SDC2: variants seen among roughly 807,000 people sequenced by gnomAD.
SDC2 encodes syndecan 2.
A neutral mutation model predicts 22.2 loss-of-function variants in SDC2; 13 were observed. The observed-to-expected ratio is 0.59, with a 90% CI of 0.38 to 0.93. The LOEUF is 0.93. Ranked by LOEUF, SDC2 falls within the 40% of genes least tolerant of loss-of-function variation. SDC2 has a pLI of 0.00. For synonymous variants in SDC2, 94 were observed against 92.8 expected (o/e 1.01, Z -0.07); for missense variants, 235 against 246.8 (o/e 0.95, Z 0.32).
At chr8:96,514,108 T>G (rs1382971452) in intron 1 of SDC2, among the ~76,000 whole-genome samples, 1 of 152,240 alleles carries the variant, frequency 6.6e-6, no homozygotes, top group East Asian at 1.9e-4. Context: ...CAACTTGCTG[T>G]TAAACTGATG....
rs1814822114 is a variant in SDC2 at position 96,593,577 on chromosome 8, C to G, written c.158C>G (p.Ser53Cys). The G allele has an allele frequency of 6.2e-7, 1 of 1,610,940 alleles. No homozygotes were observed. Among genetic ancestry groups the G allele is most frequent in the Admixed American group, 1.7e-5 (1 of 60,006 alleles). ...VYPIDDDDYA[S>C]ASGSGADEDV... ...CCTATTGATGACGATGACTACGCTT[C>G]TGCGTCTGGCTCGGGTAAGGTGGCT... Residue 53 changes from serine (S) to cysteine (C), a missense_variant, in exon 2 of 5, where the codon TCT (serine) becomes TGT (cysteine). Ser to Cys is a moderately radical substitution (Grantham distance 112). Transcript: ENST00000302190.
At chr8:96,571,390 T>TCCC (rs1814392721) in intron 1 of SDC2, among the ~76,000 whole-genome samples, 2 of 152,076 alleles carry the variant, frequency 1.3e-5, no homozygotes, top group Admixed American at 1.3e-4. Context: ...AAGGGGCAGG[T>TCCC]CCCCGATCAC....
intron 1 of SDC2, among the ~76,000 whole-genome samples, chr8:96,540,555 T>G (rs1314897867): frequency 6.7e-6 from 1 of 149,486 alleles, no homozygotes; most frequent in African/African-American, 2.4e-5. Context: ...GGCCTGCCTC[T>G]GCTCACCCGC....
At chr8:96,500,503 A>T (rs1322775516) in intron 1 of SDC2, among the ~76,000 whole-genome samples, 1 of 151,966 alleles carries the variant, frequency 6.6e-6, no homozygotes, top group African/African-American at 2.4e-5. Context: ...CTCTACTAAA[A>T]ATATAAAAAT....
At chr8:96,580,427 A>C (rs1814571285) in intron 1 of SDC2, 2 of 985,286 alleles carry the variant, frequency 2.0e-6, no homozygotes, top group African/African-American at 1.7e-5. Flanking sequence ...CCAAGCCTCC[A>C]TATCCTCAGC....
rs192517338 is a variant in SDC2 at position 96,532,756 on chromosome 8, C to T, written c.60+38425C>T. Among the ~76,000 whole-genome samples the T allele has an allele frequency of 5.3e-5, 8 of 152,218 alleles. No homozygotes were observed. The East Asian group carries it at 1.6e-3, about 29-fold the overall frequency. Reference sequence around the variant, plus strand: ...GCCCGCACTTAATGGCTGAGTACATCCGGGCTATGCATTCACCTTCTCTGA... The same window carrying T: ...GCCCGCACTTAATGGCTGAGTACATTCGGGCTATGCATTCACCTTCTCTGA... On this transcript the variant is annotated intron_variant, in intron 1 of 4. Coordinates refer to ENST00000302190, the MANE Select transcript of SDC2 (RefSeq NM_002998.4).
chr8:96,573,431 C>T (rs147496262), intron 1 of SDC2, among the ~76,000 whole-genome samples: 105 of 80,112 alleles, frequency 1.3e-3, no homozygotes, highest in South Asian at 6.4e-3. Context: ...CAGGTTCCAC[C>T]GTTGCAAAAT....
intron 1 of SDC2, among the ~76,000 whole-genome samples, chr8:96,588,917 T>C (rs1814730614): frequency 6.6e-6 from 1 of 152,232 alleles, no homozygotes; most frequent in Admixed American, 6.5e-5. Context: ...AAACATGGTA[T>C]TTGTTCAGTG....
chr8:96,597,808 G>A (rs1284069551), intron 2 of SDC2, among the ~76,000 whole-genome samples: 8 of 152,178 alleles, frequency 5.3e-5, no homozygotes. Flanking sequence ...GTACATGGGA[G>A]AACAGGCACC....
chr8:96,589,857 G>GA lies in SDC2; in HGVS notation c.61-3623_61-3622insA, dbSNP rs1554605998. On this transcript the variant is annotated intron_variant, in intron 1 of 4. Coordinates refer to ENST00000302190, the MANE Select transcript of SDC2 (RefSeq NM_002998.4). ...ACGTGGGCAGTGACAAGGTCAGGAGGCCTTAGTCCAGGTCCAGGCCCAACA... is the reference window on the plus strand; with the variant it reads ...ACGTGGGCAGTGACAAGGTCAGGAGGACCTTAGTCCAGGTCCAGGCCCAACA... 2.9e-4 allele frequency among the ~76,000 whole-genome samples: 44 copies of GA among 152,314 alleles called. No individual in the cohort carries two copies. The South Asian group carries it at 5.6e-3, about 19-fold the overall frequency.
At chr8:96,585,439 T>G (rs1217676007) in intron 1 of SDC2, among the ~76,000 whole-genome samples, 3 of 152,170 alleles carry the variant, frequency 2.0e-5, no homozygotes, top group Non-Finnish European at 4.4e-5. Context: ...GATATGCCAG[T>G]GATACGATGA....
intron 1 of SDC2, among the ~76,000 whole-genome samples, chr8:96,517,915 G>A (rs997071605): frequency 6.6e-6 from 1 of 152,056 alleles, no homozygotes; most frequent in Non-Finnish European, 1.5e-5. Context: ...ACTACACCAG[G>A]AGACTTGACC....
rs777907481 is a variant in SDC2, at chr8:96,609,580, C to T, written c.*32C>T. 34 of 1,446,064 alleles carry T rather than the reference C, an allele frequency of 2.4e-5. No homozygotes were observed. Among genetic ancestry groups the T allele is most frequent in the Non-Finnish European group, 3.0e-5 (32 of 1,080,790 alleles). The allele number at this position is 1,446,064 out of a possible 1,614,324, so 89.6% of individuals were successfully genotyped here. ...AACTTAGTGTCTCTATTTATGAGAT[C>T]ACTGAACTTTTCAAAATAAAGCTTT... On this transcript the variant is annotated 3_prime_UTR_variant, in exon 5 of 5. Transcript: ENST00000302190.
At chr8:96,529,151 A>G (rs139862847) in intron 1 of SDC2, 2 of 152,306 alleles carry the variant, frequency 1.3e-5, no homozygotes, top group East Asian at 1.9e-4. Flanking sequence ...ATCACTCTCA[A>G]TGCACTCTTA....
intron 1 of SDC2, among the ~76,000 whole-genome samples, chr8:96,553,298 A>T (rs538112223): frequency 6.6e-6 from 1 of 152,204 alleles, no homozygotes; most frequent in Admixed American, 6.5e-5. Flanking sequence ...TATTCTAATT[A>T]TGCAGGCTCT....
rs1225034584 is a variant in SDC2, at chr8:96,576,374, G to GTTTTTTTTTTT, written c.61-17102_61-17101insTTTTTTTTTTT. Among the ~76,000 whole-genome samples the GTTTTTTTTTTT allele has an allele frequency of 1.0e-3, 42 of 40,624 alleles. 7 individuals are homozygous for GTTTTTTTTTTT. The highest frequency in any genetic ancestry group is 1.7e-3 in the African/African-American group (20 of 11,476). 26.7% of individuals were successfully genotyped at this position (40,624 alleles called of 152,430 possible). ...GTTCAATAATTGGTAGTTTGTTTTT[G>GTTTTTTTTTTT]TTTTGTTTTGTTTTTTTTTACCAGA... On this transcript the variant is annotated intron_variant, in intron 1 of 4. Coordinates refer to ENST00000302190, the MANE Select transcript of SDC2 (RefSeq NM_002998.4).
intron 1 of SDC2, among the ~76,000 whole-genome samples, chr8:96,584,099 A>C (rs1460405266): frequency 6.6e-6 from 1 of 152,256 alleles, no homozygotes; most frequent in African/African-American, 2.4e-5. Flanking sequence ...GGCATCTTTT[A>C]AATAGTCAAG....
At chr8:96,591,953 C>T (rs1313691130) in intron 1 of SDC2, among the ~76,000 whole-genome samples, 2 of 152,136 alleles carry the variant, frequency 1.3e-5, no homozygotes, top group Non-Finnish European at 2.9e-5. Context: ...TGACACAGTT[C>T]ACAAGCTTTG....
At chr8:96,546,059 C>T (rs1456332984) in intron 1 of SDC2, among the ~76,000 whole-genome samples, 2 of 152,206 alleles carry the variant, frequency 1.3e-5, no homozygotes, top group East Asian at 3.9e-4. Context: ...GAGTTCACTC[C>T]TCTGTAAACT....
Sources: allele counts gnomAD v4.1 joint callset (sites outside exome capture counted in the v4.1 genomes callset), GRCh38; gene constraint gnomAD v4.1.1; transcripts MANE v1.5; gene names NCBI Gene and HGNC (gene_info 2026-07-23, HGNC 2026-07-21).